The following DMRTC2 variants were observed in gnomAD, a reference collection of about 807,000 sequenced individuals.
The protein encoded by DMRTC2 is doublesex- and mab-3-related transcription factor C2.
A neutral mutation model predicts 39.9 loss-of-function variants in DMRTC2; 13 were observed. That is an observed-to-expected ratio of 0.33 (90% CI 0.21 to 0.52). DMRTC2 has a LOEUF of 0.52. Ranked by LOEUF, DMRTC2 falls within the 20% of genes least tolerant of loss-of-function variation. The pLI, the probability that DMRTC2 is intolerant of heterozygous loss-of-function variation, is 0.96. For missense variants in DMRTC2, 431 were observed against 472.8 expected, an observed-to-expected ratio of 0.91 and a Z score of 0.82; for synonymous variants, 189 against 185.2, an observed-to-expected ratio of 1.02 and a Z score of -0.17.
At position 41,851,586 on chromosome 19, in the gene DMRTC2, C is replaced by G. The variant is rs782270959; in HGVS notation, c.994C>G (p.Pro332Ala). 3.1e-6 allele frequency: 5 copies of G among 1,614,084 alleles called. No individual in the cohort carries two copies. The South Asian group carries it at 5.5e-5, about 18-fold the overall frequency. Residue 332 changes from proline to alanine, a missense_variant and splice_region_variant, in exon 9 of 9, where the codon CCT becomes GCT. Transcript: ENST00000269945. ...TGCCCCTTCCTTCTTGCCTGTAGCT[C>G]CTGCTGGAGGAAGAGGATTCCAGCC... Reference protein sequence around the residue: ...SLLHPCGPPAPAGGRGFQPVG... With the variant: ...SLLHPCGPPAAAGGRGFQPVG...
At chr19:41,850,173 TAAGTC>T in intron 6 of DMRTC2, 134 bp from the exon 7 acceptor site, 1 of 653,932 alleles carries the variant, frequency 1.5e-6, no homozygotes, top group Non-Finnish European at 2.4e-6. Context: ...GAAAACAAAA[TAAGTC>T]AAGACACAGC....
chr19:41,850,317 C>T lies in DMRTC2; in HGVS notation c.761C>T (p.Ser254Leu). Residue 254 changes from serine to leucine, a missense_variant, in exon 7 of 9, where the codon TCA (serine) becomes TTA (leucine). Physicochemically the swap from Ser to Leu is moderately radical, Grantham distance 145. Coordinates refer to ENST00000269945, the MANE Select transcript of DMRTC2 (RefSeq NM_001040283.3). ...TCTTCTCTCCTTGTTTCTAGACACTCAACTCTGATACTCCAGCCCTGTGGC... is the reference window on the plus strand; with the variant it reads ...TCTTCTCTCCTTGTTTCTAGACACTTAACTCTGATACTCCAGCCCTGTGGC... ...QGPPSQPRTHSTLILQPCGTP... is the reference protein window; with the variant it reads ...QGPPSQPRTHLTLILQPCGTP... 6.7e-7 allele frequency: 1 copy of T among 1,499,080 alleles called. No individual in the cohort carries two copies. The highest frequency in any genetic ancestry group is 8.9e-7 in the Non-Finnish European group (1 of 1,124,482). The allele number at this position is 1,499,080 out of a possible 1,614,324, so 92.9% of individuals were successfully genotyped here.
At position 41,849,143 on chromosome 19, in the gene DMRTC2, C is replaced by A; in HGVS notation, c.642C>A (p.Gly214=). The A allele has an allele frequency of 6.2e-7, 1 of 1,614,202 alleles. No individual in the cohort carries two copies. Among genetic ancestry groups the A allele is most frequent in the Non-Finnish European group, 8.5e-7 (1 of 1,180,036 alleles). ...TATTCTTATTAGGCTTTGACCCTGG[C>A]ACCTCCCTCCAGCTGCCCACTCATG... ...SLPPFPGFDP[G]TSLQLPTHGP... The change falls in exon 6 of 9, where the codon GGC becomes GGA. Residue 214 remains glycine, a synonymous_variant. Transcript: ENST00000269945.
chr19:41,850,805 C>CT (rs2073945249), intron 8 of DMRTC2, 105 bp downstream of exon 8: 1 of 1,257,012 alleles, frequency 8.0e-7, no homozygotes, highest in Admixed American at 3.1e-5. Flanking sequence ...GGTTGAACGT[C>CT]TTCAGGCCCA....
chr19:41,850,850 G>A, intron 8 of DMRTC2, 150 bp downstream of exon 8: 1 of 739,216 alleles, frequency 1.4e-6, no homozygotes, highest in Non-Finnish European at 2.0e-6. Flanking sequence ...CCCTGGGATT[G>A]CAGTTGAGAG....
intron 5 of DMRTC2, 54 bp downstream of exon 5, chr19:41,849,029 C>T: frequency 6.2e-7 from 1 of 1,612,026 alleles, no homozygotes; most frequent in Non-Finnish European, 8.5e-7. Flanking sequence ...CAATCTGCCA[C>T]ATATTGGAGA....
intron 8 of DMRTC2, 30 bp from the exon 9 acceptor site, chr19:41,851,554 C>T: frequency 1.3e-6 from 2 of 1,595,784 alleles, no homozygotes; most frequent in African/African-American, 2.7e-5. Flanking sequence ...CAGGTGTGAC[C>T]TGATCCTGCC....
Position 41,847,806 on chromosome 19 carries a change from C to T in DMRTC2, c.295C>T (p.Leu99=), listed in dbSNP as rs782408451. ...GCAGGAGGCGCAGCTAAAGAAGCAC[C>T]TGATGAGGAGAGGGGAAGCCTCTCC... ...RQQEAQLKKH[L]MRRGEASPKA... is the part of the protein sequence containing the mutation. The change falls in exon 3 of 9, where the codon CTG becomes TTG. Residue 99 remains leucine (L), a synonymous_variant. Coordinates refer to ENST00000269945, the MANE Select transcript of DMRTC2 (RefSeq NM_001040283.3). 1.2e-6 allele frequency: 2 copies of T among 1,608,144 alleles called. No homozygotes were observed. The highest frequency in any genetic ancestry group is 1.7e-6 in the Non-Finnish European group (2 of 1,177,436).
chr19:41,851,794 T>A lies in DMRTC2; in HGVS notation c.*98T>A. 9.2e-7 allele frequency: 1 copy of A among 1,085,162 alleles called. No homozygotes were observed. The highest frequency in any genetic ancestry group is 1.4e-6 in the Non-Finnish European group (1 of 731,672). 67.2% of individuals were successfully genotyped at this position (1,085,162 alleles called of 1,614,324 possible). A position where few individuals can be genotyped will look rare whatever the true frequency, so the allele number is the denominator to read the frequency against. ...TACTTAAGGATTTATGCATGGAATTTAATGTAGTACAAGCTTCGGGCTTTT... is the reference window on the plus strand; with the variant it reads ...TACTTAAGGATTTATGCATGGAATTAAATGTAGTACAAGCTTCGGGCTTTT... On this transcript the variant is annotated 3_prime_UTR_variant, in exon 9 of 9. Coordinates refer to ENST00000269945, the MANE Select transcript of DMRTC2 (RefSeq NM_001040283.3).
rs1164755917 is a variant in DMRTC2, at chr19:41,851,893, C to T, written c.*197C>T. The T allele has an allele frequency of 3.4e-6, 2 of 590,786 alleles. No homozygotes were observed. Among genetic ancestry groups the T allele is most frequent in the African/African-American group, 3.7e-5 (2 of 53,650 alleles). 36.6% of individuals were successfully genotyped at this position (590,786 alleles called of 1,614,324 possible). ...CTTTCAGTTCCTTTGGTAGTGTGGGCATTTCCTTGGCTGACAGTGGATATT... is the reference window on the plus strand; with the variant it reads ...CTTTCAGTTCCTTTGGTAGTGTGGGTATTTCCTTGGCTGACAGTGGATATT... On this transcript the variant is annotated 3_prime_UTR_variant, in exon 9 of 9. Transcript: ENST00000269945.
intron 6 of DMRTC2, 115 bp downstream of exon 6, chr19:41,849,371 G>A (rs2073921385): frequency 1.4e-6 from 2 of 1,416,780 alleles, no homozygotes; most frequent in Admixed American, 4.4e-5. Flanking sequence ...TGACTAATAG[G>A]CAAGGCAGAG....
chr19:41,850,892 A>G (rs370694245), intron 8 of DMRTC2, 192 bp downstream of exon 8: 4 of 529,670 alleles, frequency 7.6e-6, no homozygotes, highest in Middle Eastern at 4.9e-4. Context: ...TCAGTTTGGC[A>G]CTCGACAGCA....
chr19:41,848,004 G>A (rs1555836422), intron 3 of DMRTC2, 123 bp downstream of exon 3: 18 of 1,332,616 alleles, frequency 1.4e-5, no homozygotes, highest in South Asian at 7.6e-5. Flanking sequence ...CTACTCCCTC[G>A]GCCTCAGCTG....
At position 41,851,947 on chromosome 19, in the gene DMRTC2, C is replaced by CTTTA. The variant is rs2073962837; in HGVS notation, c.*253_*254insTATT. On this transcript the variant is annotated 3_prime_UTR_variant, in exon 9 of 9. Transcript: ENST00000269945. Reference sequence around the variant, plus strand: ...GTACCCTTCTTGGGTCCTGGGATCTCTTGAAATCCCCAATAAAGAGAGAGT... The same window carrying CTTTA: ...GTACCCTTCTTGGGTCCTGGGATCTCTTTATTGAAATCCCCAATAAAGAGAGAGT... 1 of 508,428 alleles carries CTTTA rather than the reference C, an allele frequency of 2.0e-6. No individual in the cohort carries two copies. The highest frequency in any genetic ancestry group is 3.5e-6 in the Non-Finnish European group (1 of 284,644). The allele number at this position is 508,428 out of a possible 1,614,324, so 31.5% of individuals were successfully genotyped here.
chr19:41,845,886 CCTGTAGTCCCAG>C (rs2073827734), intron 1 of DMRTC2, among the ~76,000 whole-genome samples: 2 of 152,006 alleles, frequency 1.3e-5, no homozygotes, highest in Non-Finnish European at 2.9e-5. Flanking sequence ...GTGGCTCCAG[CCTGTAGTCCCAG>C]CTACTGGGGA....
In DMRTC2 at chr19:41,848,695, C is replaced by T. The variant is rs1192168672; in HGVS notation, c.448-100C>T. The T allele has an allele frequency of 6.3e-6, 10 of 1,585,900 alleles. No individual in the cohort carries two copies. The East Asian group carries it at 1.3e-4, about 21-fold the overall frequency. On this transcript the variant is annotated intron_variant, in intron 4 of 8. Transcript: ENST00000269945. ...CAAAATGAGGGGAAAACGAGGGCCT[C>T]CCAGCCCCAAAGTTTTGGGGTTCTG... is the stretch of plus-strand genomic sequence containing the variant.
At position 41,848,513 on chromosome 19, in the gene DMRTC2, G is replaced by A. The variant is rs147524970; in HGVS notation, c.432G>A (p.Pro144=). 252 of 1,597,418 alleles carry A rather than the reference G, an allele frequency of 1.6e-4. No homozygotes were observed. Among genetic ancestry groups the A allele is most frequent in the Non-Finnish European group, 1.9e-4 (226 of 1,172,180 alleles). Residue 144 remains proline (P), a synonymous_variant, in exon 4 of 9, where the codon CCG becomes CCA. Coordinates refer to ENST00000269945, the MANE Select transcript of DMRTC2 (RefSeq NM_001040283.3). Reference sequence around the variant, plus strand: ...CCCATGGGGCAGTCCTGCTGGCACCGACACCCCCCGGGAAGGTAAGGAGAG... The same window carrying A: ...CCCATGGGGCAGTCCTGCTGGCACCAACACCCCCCGGGAAGGTAAGGAGAG... The part of the protein sequence containing the change: ...QTPHGAVLLA[P]TPPGKNSCGP...
intron 1 of DMRTC2, 152 bp from the exon 2 acceptor site, chr19:41,847,273 G>A: frequency 2.0e-6 from 2 of 985,232 alleles, no homozygotes; most frequent in Non-Finnish European, 2.4e-6. Flanking sequence ...AATGTCATGG[G>A]GTAAAGAGGG....
chr19:41,845,401 G>C (rs1360838419), intron 1 of DMRTC2: 6 of 152,298 alleles, frequency 3.9e-5, no homozygotes, highest in Non-Finnish European at 2.9e-5. Flanking sequence ...ACCTGAATAA[G>C]GTGTGAGCGC....
Sources: allele counts gnomAD v4.1 joint callset (sites outside exome capture counted in the v4.1 genomes callset), GRCh38; gene constraint gnomAD v4.1.1; transcripts MANE v1.5; gene names NCBI Gene and HGNC (gene_info 2026-07-23, HGNC 2026-07-21).